Variants in SLC25A51 observed in about 807,000 individuals in gnomAD.
The protein encoded by SLC25A51 is mitochondrial nicotinamide adenine dinucleotide transporter SLC25A51.
Under a neutral mutation model 19.1 loss-of-function variants are expected in SLC25A51, and 11 were observed. That is an observed-to-expected ratio of 0.58 (90% CI 0.36 to 0.96). The LOEUF (loss-of-function observed/expected upper bound fraction) is 0.96, where lower values mean the gene tolerates loss of function less well. SLC25A51 is among the 40% of genes least tolerant of loss of function. SLC25A51 has a pLI of 0.01. For missense variants in SLC25A51, 201 were observed against 365.4 expected (o/e 0.55, Z 3.67); for synonymous variants, 105 against 133.6 (o/e 0.79, Z 1.47).
chr9:37,896,763 T>C (rs1007076083), intron 2 of SLC25A51, among the ~76,000 whole-genome samples: 2 of 152,186 alleles, frequency 1.3e-5, no homozygotes, highest in Non-Finnish European at 2.9e-5. Flanking sequence ...ACCACTGCAC[T>C]CCAGCCTGGG....
At chr9:37,902,419 G>GA (rs1380078068) in intron 1 of SLC25A51, among the ~76,000 whole-genome samples, 4 of 152,148 alleles carry the variant, frequency 2.6e-5, no homozygotes, top group Non-Finnish European at 5.9e-5. Flanking sequence ...CTAGATGGGG[G>GA]AAAAAATGTT....
intron 1 of SLC25A51, among the ~76,000 whole-genome samples, chr9:37,903,217 G>T (rs1051527534): frequency 1.3e-5 from 2 of 152,134 alleles, no homozygotes; most frequent in South Asian, 2.1e-4. Flanking sequence ...TTCAAAGCAC[G>T]GGCAGAGGCG....
intron 2 of SLC25A51, among the ~76,000 whole-genome samples, chr9:37,895,960 T>A (rs1178074352): frequency 6.6e-6 from 1 of 151,982 alleles, no homozygotes; most frequent in Non-Finnish European, 1.5e-5. Flanking sequence ...ATGATAGGTG[T>A]GTGCTGCCAT....
rs184419275 is a variant in SLC25A51, at chr9:37,896,098, C to T, written c.-43+3731G>A. On this transcript the variant is annotated intron_variant, in intron 2 of 2. Coordinates refer to ENST00000242275, the MANE Select transcript of SLC25A51 (RefSeq NM_033412.4). ...CAAAGTGCTCGGATTACAGGCCCTT[C>T]CATAATTTTTATGGTGAATTATCAC... Among the ~76,000 whole-genome samples, 396 of 152,208 alleles carry T rather than the reference C, an allele frequency of 2.6e-3. 1 individual carries two copies. The highest frequency in any genetic ancestry group is 4.1e-3 in the Non-Finnish European group (282 of 68,010).
chr9:37,885,884 C>T, downstream of SLC25A51: 8 of 1,598,402 alleles, frequency 5.0e-6, no homozygotes, highest in South Asian at 6.6e-5. Context: ...GCAAACCCCC[C>T]CCTCCCCATA....
At chr9:37,902,121 T>C (rs1831861603) in intron 1 of SLC25A51, among the ~76,000 whole-genome samples, 1 of 152,230 alleles carries the variant, frequency 6.6e-6, no homozygotes. Flanking sequence ...AGTCACCACC[T>C]ACAAGCTGTT....
chr9:37,896,295 T>G (rs1271746915), intron 2 of SLC25A51, among the ~76,000 whole-genome samples: 1 of 152,026 alleles, frequency 6.6e-6, no homozygotes, highest in Non-Finnish European at 1.5e-5. Context: ...AGCCTGGTAT[T>G]TCTTCTCTAG....
downstream of SLC25A51, among the ~76,000 whole-genome samples, chr9:37,887,287 A>G (rs1470147014): frequency 2.0e-5 from 3 of 151,908 alleles, no homozygotes; most frequent in Non-Finnish European, 2.9e-5. Context: ...ACTGCACTCC[A>G]GCCTGGGCAA....
At chr9:37,897,024 G>A (rs1208216385) in intron 2 of SLC25A51, among the ~76,000 whole-genome samples, 1 of 152,082 alleles carries the variant, frequency 6.6e-6, no homozygotes, top group Non-Finnish European at 1.5e-5. Context: ...ATGACAGACA[G>A]GACATGACAA....
At chr9:37,902,140 C>G (rs1831861977) in intron 1 of SLC25A51, among the ~76,000 whole-genome samples, 1 of 152,190 alleles carries the variant, frequency 6.6e-6, no homozygotes, top group South Asian at 2.1e-4. Flanking sequence ...TTTACACATG[C>G]TCCTTGACAG....
chr9:37,886,307 G>A, downstream of SLC25A51: 1 of 1,614,026 alleles, frequency 6.2e-7, no homozygotes. Context: ...GCTATCAAAG[G>A]CTGGAGACAA....
At chr9:37,885,947 C>A (rs1402695217), downstream of SLC25A51, 1 of 1,613,024 alleles carries the variant, frequency 6.2e-7, no homozygotes, top group Non-Finnish European at 8.5e-7. Flanking sequence ...TGATGAGGAA[C>A]TAGAACGGGA....
Position 37,888,555 on chromosome 9 carries a change from C to T in SLC25A51, c.-5G>A. Reference sequence around the variant, plus strand: ...ATGAGCTTCTGAATCCATCATGCTGCTTAAGATCTTTCTTTTTCATGAAGG... The same window carrying T: ...ATGAGCTTCTGAATCCATCATGCTGTTTAAGATCTTTCTTTTTCATGAAGG... On this transcript the variant is annotated 5_prime_UTR_variant, in exon 3 of 3. Coordinates refer to ENST00000242275, the MANE Select transcript of SLC25A51 (RefSeq NM_033412.4). 6.3e-7 allele frequency: 1 copy of T among 1,575,532 alleles called. No individual in the cohort carries two copies. Among genetic ancestry groups the T allele is most frequent in the Non-Finnish European group, 8.6e-7 (1 of 1,165,926 alleles).
chr9:37,903,989 G>C (rs1230621146), intron 1 of SLC25A51, 79 bp downstream of exon 1: 1 of 152,496 alleles, frequency 6.6e-6, no homozygotes, highest in Non-Finnish European at 1.5e-5. Context: ...TGCCCCAGCG[G>C]GCCCTTCAGC....
chr9:37,898,667 A>C (rs1486485788), intron 2 of SLC25A51, among the ~76,000 whole-genome samples: 1 of 152,162 alleles, frequency 6.6e-6, no homozygotes, highest in Non-Finnish European at 1.5e-5. Context: ...GCAGTGAGCC[A>C]AGATTGTACC....
In SLC25A51 at chr9:37,888,192, G is replaced by A. The variant is rs1486991980; in HGVS notation, c.359C>T (p.Thr120Ile). Residue 120 changes from threonine to isoleucine, a missense_variant, in exon 3 of 3, where the codon ACC becomes ATC. Coordinates refer to ENST00000242275, the MANE Select transcript of SLC25A51 (RefSeq NM_033412.4). Reference sequence around the variant, plus strand: ...TGCAAGCACTGCCGCCACGCCACTGGTTGCAAACTCTGGAGCACTGACATG... The same window carrying A: ...TGCAAGCACTGCCGCCACGCCACTGATTGCAAACTCTGGAGCACTGACATG... ...HKHVSAPEFA[T>I]SGVAAVLAGT... is the part of the protein sequence containing the mutation. The A allele has an allele frequency of 6.2e-7, 1 of 1,613,952 alleles. No homozygotes were observed. Among genetic ancestry groups the A allele is most frequent in the African/African-American group, 1.3e-5 (1 of 74,916 alleles).
chr9:37,885,771 A>G, downstream of SLC25A51: 1 of 1,572,948 alleles, frequency 6.4e-7, no homozygotes, highest in South Asian at 1.1e-5. Context: ...TATAGGCAAC[A>G]TTTTCATGTT....
At chr9:37,896,397 A>G (rs963085219) in intron 2 of SLC25A51, among the ~76,000 whole-genome samples, 2 of 152,102 alleles carry the variant, frequency 1.3e-5, no homozygotes, top group South Asian at 2.1e-4. Context: ...CAGTTTTTCT[A>G]GCCCTCTCAC....
chr9:37,895,815 C>T (rs1329143115), intron 2 of SLC25A51, among the ~76,000 whole-genome samples: 2 of 151,070 alleles, frequency 1.3e-5, no homozygotes, highest in Non-Finnish European at 3.0e-5. Flanking sequence ...CTTCCTTCCA[C>T]AACTTTTTTT....
Sources: allele counts gnomAD v4.1 joint callset (sites outside exome capture counted in the v4.1 genomes callset), GRCh38; gene constraint gnomAD v4.1.1; transcripts MANE v1.5; gene names NCBI Gene and HGNC (gene_info 2026-07-23, HGNC 2026-07-21).